Variants in SRGAP3 observed in about 807,000 individuals in gnomAD.
SRGAP3 encodes the protein SLIT-ROBO Rho GTPase-activating protein 3.
A neutral mutation model predicts 121.1 loss-of-function variants in SRGAP3; 39 were observed. The observed-to-expected ratio is 0.32, with a 90% CI of 0.25 to 0.42. The LOEUF (loss-of-function observed/expected upper bound fraction) is 0.42. Among genes scored for constraint, SRGAP3 ranks in the 10% least tolerant of loss-of-function variants. The probability of loss-of-function intolerance (pLI) is 1.00; values close to 1 mark genes in which losing one functional copy is unlikely to be tolerated. For missense variants in SRGAP3, 1,213 were observed against 1,470.6 expected (o/e 0.82, Z 2.86); for synonymous variants, 601 against 570.0 (o/e 1.05, Z -0.77).
intron 1 of SRGAP3, among the ~76,000 whole-genome samples, chr3:9,175,244 G>C (rs1207470013): frequency 6.6e-6 from 1 of 152,130 alleles, no homozygotes; most frequent in African/African-American, 2.4e-5. Flanking sequence ...ACAGCAGGCT[G>C]GTTTCTATCT....
At chr3:9,097,470 CAG>C (rs1948032091) in intron 3 of SRGAP3, among the ~76,000 whole-genome samples, 1 of 152,134 alleles carries the variant, frequency 6.6e-6, no homozygotes, top group East Asian at 1.9e-4. Flanking sequence ...AGTGGCAAAA[CAG>C]AGATGAAATC....
chr3:9,155,117 T>C (rs1244533023), intron 1 of SRGAP3, among the ~76,000 whole-genome samples: 1 of 152,140 alleles, frequency 6.6e-6, no homozygotes, highest in African/African-American at 2.4e-5. Context: ...GTGTCTTCTT[T>C]TTGTATATTT....
intron 15 of SRGAP3, 63 bp downstream of exon 15, chr3:9,015,534 C>T: frequency 6.2e-7 from 1 of 1,605,706 alleles, no homozygotes; most frequent in Non-Finnish European, 8.5e-7. Context: ...AGCAGTAAGC[C>T]TGTAGCTCAA....
intron 21 of SRGAP3, among the ~76,000 whole-genome samples, chr3:8,989,824 C>T (rs1368910778): frequency 6.6e-6 from 1 of 152,188 alleles, no homozygotes; most frequent in African/African-American, 2.4e-5. Context: ...TGAGAAGAAC[C>T]TGGAACATTC....
chr3:9,119,827 C>T (rs1440965581), intron 2 of SRGAP3, among the ~76,000 whole-genome samples: 13 of 152,212 alleles, frequency 8.5e-5, no homozygotes, highest in African/African-American at 3.1e-4. Flanking sequence ...GCCTACTAGC[C>T]GTCCCCATGG....
intron 1 of SRGAP3, among the ~76,000 whole-genome samples, chr3:9,241,471 A>G (rs989280685): frequency 6.6e-5 from 10 of 152,224 alleles, no homozygotes; most frequent in Non-Finnish European, 1.0e-4. Flanking sequence ...ACCACACCCC[A>G]CTGAGACGGC....
chr3:9,060,704 G>A (rs1946117603), intron 5 of SRGAP3, among the ~76,000 whole-genome samples: 1 of 151,862 alleles, frequency 6.6e-6, no homozygotes, highest in African/African-American at 2.4e-5. Flanking sequence ...CCTCCCAAGT[G>A]TTGGGATTAT....
At chr3:9,086,669 G>A (rs1364224122) in intron 3 of SRGAP3, among the ~76,000 whole-genome samples, 1 of 130,204 alleles carries the variant, frequency 7.7e-6, no homozygotes, top group African/African-American at 2.7e-5. Context: ...CATATTATAT[G>A]TATCTGTATA....
chr3:9,052,319 G>A (rs1475860060), intron 9 of SRGAP3, among the ~76,000 whole-genome samples: 1 of 152,164 alleles, frequency 6.6e-6, no homozygotes, highest in African/African-American at 2.4e-5. Context: ...GGAAAACATG[G>A]TAATACCAAA....
At chr3:9,314,612 C>T (rs556638826) in intron 3 of SRGAP3, among the ~76,000 whole-genome samples, 44 of 149,246 alleles carry the variant, frequency 2.9e-4, no homozygotes, top group Admixed American at 2.0e-3. Flanking sequence ...TTACTATAGC[C>T]CCCTCACAAT....
intron 4 of SRGAP3, among the ~76,000 whole-genome samples, chr3:9,066,968 T>G (rs1350478172): frequency 6.6e-6 from 1 of 152,232 alleles, no homozygotes; most frequent in Admixed American, 6.5e-5. Flanking sequence ...TGTGTGACCT[T>G]GGACAAGTCA....
At chr3:9,065,279 G>T (rs1212181916) in intron 4 of SRGAP3, 2 of 152,102 alleles carry the variant, frequency 1.3e-5, no homozygotes, top group Admixed American at 6.5e-5. Flanking sequence ...TAAAAAAAAT[G>T]GATATTGTTA....
intron 1 of SRGAP3, among the ~76,000 whole-genome samples, chr3:9,344,854 G>A (rs1369718569): frequency 6.6e-6 from 1 of 151,988 alleles, no homozygotes; most frequent in African/African-American, 2.4e-5. Flanking sequence ...GGCCAACATG[G>A]TGAAAAACCC....
chr3:9,223,700 G>T (rs1307293327), intron 1 of SRGAP3, among the ~76,000 whole-genome samples: 1 of 152,164 alleles, frequency 6.6e-6, no homozygotes, highest in Non-Finnish European at 1.5e-5. Flanking sequence ...CTCATCAGGT[G>T]TTCCAAAGGC....
intron 1 of SRGAP3, among the ~76,000 whole-genome samples, chr3:9,352,028 C>A (rs995934947): frequency 6.6e-6 from 1 of 152,170 alleles, no homozygotes; most frequent in Non-Finnish European, 1.5e-5. Context: ...AACAGACAAC[C>A]TGGAACCAGC....
chr3:9,058,569 C>A (rs974238620), intron 6 of SRGAP3, 97 bp from the exon 7 acceptor site: 10 of 1,279,978 alleles, frequency 7.8e-6, no homozygotes, highest in African/African-American at 1.5e-5. Flanking sequence ...CCTCCCTTTC[C>A]ACAGCCGAAT....
intron 4 of SRGAP3, among the ~76,000 whole-genome samples, chr3:9,071,472 C>A (rs578230646): frequency 1.3e-5 from 2 of 152,258 alleles, no homozygotes; most frequent in African/African-American, 2.4e-5. Context: ...ACTGGAAACA[C>A]TGGGAAGGGA....
At chr3:9,280,626 G>A (rs1232746481) in intron 3 of SRGAP3, among the ~76,000 whole-genome samples, 1 of 152,212 alleles carries the variant, frequency 6.6e-6, no homozygotes, top group Non-Finnish European at 1.5e-5. Context: ...GCAGGATGCT[G>A]ATAACCCCTT....
At chr3:9,115,298 T>G (rs925516045) in intron 2 of SRGAP3, among the ~76,000 whole-genome samples, 1 of 152,206 alleles carries the variant, frequency 6.6e-6, no homozygotes, top group African/African-American at 2.4e-5. Context: ...TCTTTGAAGG[T>G]TATTATTATC....
Sources: allele counts gnomAD v4.1 joint callset (sites outside exome capture counted in the v4.1 genomes callset), GRCh38; gene constraint gnomAD v4.1.1; transcripts MANE v1.5; gene names NCBI Gene and HGNC (gene_info 2026-07-23, HGNC 2026-07-21).